FHIT: variants seen among roughly 807,000 people sequenced by gnomAD.
The protein encoded by FHIT is bis(5'-adenosyl)-triphosphatase.
FHIT carries 19 observed loss-of-function variants against 17.9 expected under a neutral mutation model. The observed-to-expected ratio is 1.06, with a 90% CI of 0.74 to 1.56. The LOEUF is 1.56. Among genes scored for constraint, FHIT ranks in the 40% most tolerant of loss-of-function variants. FHIT has a pLI of 0.00. For synonymous variants in FHIT, 81 were observed against 69.7 expected (o/e 1.16, Z -0.81); for missense variants, 248 against 189.2 (o/e 1.31, Z -1.82).
At chr3:61,188,604 C>G (rs1357285381) in intron 2 of FHIT, among the ~76,000 whole-genome samples, 1 of 152,128 alleles carries the variant, frequency 6.6e-6, no homozygotes, top group Admixed American at 6.5e-5. Flanking sequence ...CATCCTGATA[C>G]CAAAGCTGGG....
At chr3:60,213,509 C>A (rs557729332) in intron 5 of FHIT, among the ~76,000 whole-genome samples, 1 of 152,326 alleles carries the variant, frequency 6.6e-6, no homozygotes, top group Non-Finnish European at 1.5e-5. Flanking sequence ...CTACACTGGC[C>A]ATTTCCACCA....
intron 7 of FHIT, among the ~76,000 whole-genome samples, chr3:59,950,420 C>G (rs956999520): frequency 1.7e-4 from 26 of 152,186 alleles, no homozygotes; most frequent in Non-Finnish European, 3.2e-4. Context: ...CACATGCCAG[C>G]CTTGGGCAAA....
intron 2 of FHIT, among the ~76,000 whole-genome samples, chr3:61,063,255 C>CAAGAAAAAAAAAAAAA (rs2034490660): frequency 3.1e-5 from 3 of 95,880 alleles, no homozygotes; most frequent in Non-Finnish European, 4.3e-5. Flanking sequence ...GACTCTGTCT[C>CAAGAAAAAAAAAAAAA]AAAAAAAAAA....
At chr3:61,181,408 A>G (rs1158975530) in intron 2 of FHIT, among the ~76,000 whole-genome samples, 1 of 152,210 alleles carries the variant, frequency 6.6e-6, no homozygotes, top group African/African-American at 2.4e-5. Context: ...AGACAATACA[A>G]CAGACCTCTA....
At chr3:60,719,918 C>T (rs782160364) in intron 4 of FHIT, among the ~76,000 whole-genome samples, 3 of 152,194 alleles carry the variant, frequency 2.0e-5, no homozygotes, top group African/African-American at 4.8e-5. Context: ...GGCCACTCAA[C>T]TCATTACAAT....
intron 4 of FHIT, among the ~76,000 whole-genome samples, chr3:60,660,133 G>GA (rs777083443): frequency 9.3e-4 from 141 of 151,728 alleles, no homozygotes; most frequent in Admixed American, 1.6e-3. Context: ...AAGGGGAAAA[G>GA]AAAAAAAATG....
chr3:60,312,240 A>G (rs766455897), intron 5 of FHIT, among the ~76,000 whole-genome samples: 14 of 152,126 alleles, frequency 9.2e-5, no homozygotes, highest in Non-Finnish European at 1.9e-4. Context: ...GGCTCAAGCA[A>G]TCCTCCTGCC....
At chr3:60,927,766 G>A (rs1437478696) in intron 3 of FHIT, among the ~76,000 whole-genome samples, 4 of 152,322 alleles carry the variant, frequency 2.6e-5, no homozygotes, top group Non-Finnish European at 4.4e-5. Context: ...CGCCTGGGAG[G>A]TGAGGAGCCC....
chr3:60,006,525 G>T (rs1699930696), intron 7 of FHIT, among the ~76,000 whole-genome samples: 1 of 152,070 alleles, frequency 6.6e-6, no homozygotes, highest in Non-Finnish European at 1.5e-5. Context: ...TTGAACTGGG[G>T]TGGACTGGTC....
chr3:61,149,688 A>T (rs1213784885), intron 2 of FHIT, among the ~76,000 whole-genome samples: 1 of 151,686 alleles, frequency 6.6e-6, no homozygotes, highest in African/African-American at 2.4e-5. Flanking sequence ...GACCAGCCTC[A>T]GCAACATAGT....
At chr3:61,086,138 G>A (rs9845837) in intron 2 of FHIT, among the ~76,000 whole-genome samples, 58,015 of 151,788 alleles carry the variant, frequency 0.38, 11,904 homozygotes, top group Non-Finnish European at 0.46. Context: ...GTACAATGCT[G>A]AACAGCAGTG....
intron 5 of FHIT, among the ~76,000 whole-genome samples, chr3:60,186,654 C>T (rs186677547): frequency 7.9e-4 from 121 of 152,202 alleles, no homozygotes; most frequent in African/African-American, 2.7e-3. Context: ...GATTAATCCT[C>T]TGTGAGTATA....
chr3:59,946,217 C>T (rs979416272), intron 7 of FHIT, among the ~76,000 whole-genome samples: 2 of 152,028 alleles, frequency 1.3e-5, no homozygotes, highest in Non-Finnish European at 2.9e-5. Flanking sequence ...TTTTATAATT[C>T]TCAATGTAAA....
intron 4 of FHIT, among the ~76,000 whole-genome samples, chr3:60,683,476 G>A (rs1247213558): frequency 6.6e-6 from 1 of 151,916 alleles, no homozygotes; most frequent in African/African-American, 2.4e-5. Flanking sequence ...CTTACTGAAG[G>A]CTCAAATGAT....
At chr3:60,938,868 T>C (rs1438232977) in intron 3 of FHIT, among the ~76,000 whole-genome samples, 1 of 152,230 alleles carries the variant, frequency 6.6e-6, no homozygotes, top group Non-Finnish European at 1.5e-5. Context: ...AGCCTTTCTT[T>C]CGTTCTAAAA....
chr3:59,825,289 C>T (rs994169377), intron 8 of FHIT, among the ~76,000 whole-genome samples: 2 of 152,158 alleles, frequency 1.3e-5, no homozygotes, highest in Non-Finnish European at 2.9e-5. Context: ...CAGACCTTGT[C>T]ATTTTCTTTT....
chr3:60,523,011 C>T (rs957313925), intron 5 of FHIT, among the ~76,000 whole-genome samples: 1 of 152,084 alleles, frequency 6.6e-6, no homozygotes, highest in African/African-American at 2.4e-5. Flanking sequence ...CGGCAGCAGG[C>T]AAAAGGAAAA....
chr3:61,029,659 C>A (rs1339043277), intron 3 of FHIT, among the ~76,000 whole-genome samples: 1 of 152,146 alleles, frequency 6.6e-6, no homozygotes, highest in African/African-American at 2.4e-5. Flanking sequence ...TGAGTTCAAC[C>A]AAATTAGAGA....
intron 1 of FHIT, among the ~76,000 whole-genome samples, chr3:61,219,888 C>A (rs2039790672): frequency 6.6e-6 from 1 of 152,146 alleles, no homozygotes; most frequent in Non-Finnish European, 1.5e-5. Context: ...ATATAGAAAC[C>A]TGCTTTGATG....
Sources: allele counts gnomAD v4.1 joint callset (sites outside exome capture counted in the v4.1 genomes callset), GRCh38; gene constraint gnomAD v4.1.1; transcripts MANE v1.5; gene names NCBI Gene and HGNC (gene_info 2026-07-23, HGNC 2026-07-21).